The following PDE1A variants were observed in gnomAD, a reference collection of about 807,000 sequenced individuals.
The protein encoded by PDE1A is dual specificity calcium/calmodulin-dependent 3',5'-cyclic nucleotide phosphodiesterase 1A.
A neutral mutation model predicts 61.7 loss-of-function variants in PDE1A; 35 were observed. The ratio of observed to expected loss-of-function variants is 0.57; its 90% CI spans 0.43 to 0.75. The LOEUF is 0.75. Ranked by LOEUF, PDE1A falls within the 30% of genes least tolerant of loss-of-function variation. The pLI is 0.00. For missense variants in PDE1A, 597 were observed against 630.6 expected, an observed-to-expected ratio of 0.95 and a Z score of 0.57; for synonymous variants, 232 against 213.2, an observed-to-expected ratio of 1.09 and a Z score of -0.77.
chr2:182,158,663 A>G (rs555834690), intron 13 of PDE1A, among the ~76,000 whole-genome samples: 1 of 152,334 alleles, frequency 6.6e-6, no homozygotes, highest in East Asian at 1.9e-4. Context: ...AATCAAAATT[A>G]GCGCATGGCT....
intron 13 of PDE1A, among the ~76,000 whole-genome samples, chr2:182,170,788 A>G (rs1018995211): frequency 2.0e-5 from 3 of 152,062 alleles, no homozygotes; most frequent in East Asian, 1.9e-4. Flanking sequence ...TTAGTAGAAT[A>G]TGAATCTACA....
In PDE1A at chr2:182,152,271, T is replaced by C. The variant is rs542332496; in HGVS notation, c.1517-5119A>G. On this transcript the variant is annotated intron_variant, in intron 13 of 13. Coordinates refer to the PDE1A transcript ENST00000409365. ...GATCAAAGATTAAAGTTACAGTCAT[T>C]GGAAAAATGTAATGTAGGATAAATC... Among the ~76,000 whole-genome samples, 105 of 152,272 alleles carry C rather than the reference T, an allele frequency of 6.9e-4. 1 individual carries two copies. The highest frequency in any genetic ancestry group is 2.2e-3 in the African/African-American group (91 of 41,564).
At chr2:182,474,668 T>C (rs1237222793) in intron 2 of PDE1A, among the ~76,000 whole-genome samples, 1 of 151,946 alleles carries the variant, frequency 6.6e-6, no homozygotes, top group Non-Finnish European at 1.5e-5. Flanking sequence ...ATCAGGTTAC[T>C]GCTTTTCCTC....
intron 1 of PDE1A, among the ~76,000 whole-genome samples, chr2:182,381,136 G>T (rs768232237): frequency 1.8e-4 from 28 of 151,964 alleles, no homozygotes; most frequent in Non-Finnish European, 3.2e-4. Context: ...ACTCTGATAT[G>T]ATTGTGATAG....
chr2:182,614,337 A>G, the PDE1A span, among the ~76,000 whole-genome samples: 13 of 152,272 alleles, frequency 8.5e-5, no homozygotes, highest in African/African-American at 3.1e-4. Flanking sequence ...AATGAACATA[A>G]TAGCTAGCTC....
At chr2:182,268,376 T>C (rs1218407780) in intron 1 of PDE1A, among the ~76,000 whole-genome samples, 3 of 152,196 alleles carry the variant, frequency 2.0e-5, no homozygotes, top group African/African-American at 4.8e-5. Flanking sequence ...TATCTATATA[T>C]AGATATTAGT....
At chr2:182,209,207 T>C (rs1687367201) in intron 7 of PDE1A, among the ~76,000 whole-genome samples, 1 of 152,108 alleles carries the variant, frequency 6.6e-6, no homozygotes, top group African/African-American at 2.4e-5. Flanking sequence ...CTCACAATCA[T>C]GGTGGAAGGT....
intron 1 of PDE1A, among the ~76,000 whole-genome samples, chr2:182,275,937 T>C (rs1322807571): frequency 3.9e-5 from 6 of 152,136 alleles, no homozygotes; most frequent in Non-Finnish European, 8.8e-5. Flanking sequence ...TTTGGAAAAT[T>C]ATATATTAAC....
chr2:182,348,667 C>A (rs1342616165), intron 1 of PDE1A, among the ~76,000 whole-genome samples: 1 of 151,788 alleles, frequency 6.6e-6, no homozygotes, highest in Non-Finnish European at 1.5e-5. Flanking sequence ...TCATTTCATT[C>A]CATTTCTTTG....
chr2:182,194,473 T>C (rs3769789), intron 10 of PDE1A, among the ~76,000 whole-genome samples: 26,696 of 152,060 alleles, frequency 0.18, 2,546 homozygotes, highest in East Asian at 0.31. Flanking sequence ...TTGATCTGCA[T>C]GAAAACTCGA....
the PDE1A span, among the ~76,000 whole-genome samples, chr2:182,532,257 C>A: frequency 6.6e-6 from 1 of 152,044 alleles, no homozygotes; most frequent in Non-Finnish European, 1.5e-5. Flanking sequence ...ATACCCAATA[C>A]AAAGAAAGGA....
chr2:182,404,650 A>G (rs752574948), intron 1 of PDE1A, among the ~76,000 whole-genome samples: 1 of 150,830 alleles, frequency 6.6e-6, no homozygotes, highest in Non-Finnish European at 1.5e-5. Context: ...TTTTTTTTTT[A>G]CTTTTTAAAT....
chr2:182,659,512 C>T, the PDE1A span, among the ~76,000 whole-genome samples: 1 of 152,202 alleles, frequency 6.6e-6, no homozygotes, highest in African/African-American at 2.4e-5. Context: ...TTCAGAGTTG[C>T]ACAAAATAAG....
intron 1 of PDE1A, among the ~76,000 whole-genome samples, chr2:182,313,093 C>T (rs1696097901): frequency 6.6e-6 from 1 of 152,138 alleles, no homozygotes. Context: ...TCTTGCTAAA[C>T]GTACTTATTA....
chr2:182,231,391 C>T (rs928724615), intron 4 of PDE1A, among the ~76,000 whole-genome samples: 1 of 152,130 alleles, frequency 6.6e-6, no homozygotes, highest in African/African-American at 2.4e-5. Flanking sequence ...TTTGATAATA[C>T]CATAATACTG....
At chr2:182,642,192 T>C in the PDE1A span, among the ~76,000 whole-genome samples, 1 of 152,236 alleles carries the variant, frequency 6.6e-6, no homozygotes, top group African/African-American at 2.4e-5. Context: ...ATTTATGTAA[T>C]ATAATAAGAA....
chr2:182,444,738 T>C (rs1685023887), intron 2 of PDE1A, among the ~76,000 whole-genome samples: 1 of 152,064 alleles, frequency 6.6e-6, no homozygotes, highest in Admixed American at 6.6e-5. Flanking sequence ...TATATATCAT[T>C]ATCTACTAAA....
chr2:182,696,161 C>T, the PDE1A span, among the ~76,000 whole-genome samples: 1 of 152,168 alleles, frequency 6.6e-6, no homozygotes, highest in African/African-American at 2.4e-5. Flanking sequence ...AACCTACACA[C>T]GGATATTTAC....
chr2:182,350,089 CTG>C (rs1328072564), intron 1 of PDE1A, among the ~76,000 whole-genome samples: 1 of 152,134 alleles, frequency 6.6e-6, no homozygotes, highest in African/African-American at 2.4e-5. Context: ...GTAACCATTA[CTG>C]TGACTTCTAA....
Sources: gnomAD v4.1 joint callset for allele counts (sites outside exome capture counted in the v4.1 genomes callset) on GRCh38, gnomAD v4.1.1 for gene constraint, MANE v1.5 for transcripts, NCBI Gene and HGNC (gene_info 2026-07-23, HGNC 2026-07-21) for gene names.